POLE: variants seen among roughly 807,000 people sequenced by gnomAD.
The protein encoded by POLE is DNA polymerase epsilon catalytic subunit A.
In POLE, 188 loss-of-function variants were observed where a neutral mutation model predicts 279.2. That is an observed-to-expected ratio of 0.67 (90% confidence interval 0.60 to 0.76). POLE has a LOEUF of 0.76. Among genes scored for constraint, POLE ranks in the 30% least tolerant of loss-of-function variants. The pLI is 0.00. For synonymous variants in POLE, 1,214 were observed against 1,172.5 expected (o/e 1.04, Z -0.72); for missense variants, 2,703 against 3,016.7 (o/e 0.90, Z 2.44).
At position 132,639,613 on chromosome 12, in the gene POLE, G is replaced by T. The variant is rs1161839936; in HGVS notation, c.5379-315C>A. ...AGCAGCAAGTGTGTGACGGGCCGGGGACCCTGACAGGAAGGACACAGCAAA... is the reference window on the plus strand; with the variant it reads ...AGCAGCAAGTGTGTGACGGGCCGGGTACCCTGACAGGAAGGACACAGCAAA... On this transcript the variant is annotated intron_variant, in intron 39 of 48. Coordinates refer to ENST00000320574, the MANE Select transcript of POLE (RefSeq NM_006231.4). The surrounding 1 kb of genome is among the most constrained non-coding windows in gnomAD (Gnocchi z 4.7). 6.6e-5 allele frequency among the ~76,000 whole-genome samples: 10 copies of T among 152,182 alleles called. No homozygotes were observed. Among genetic ancestry groups the T allele is most frequent in the African/African-American group, 2.4e-4 (10 of 41,450 alleles).
chr12:132,646,301 A>G (rs990146786), intron 32 of POLE, among the ~76,000 whole-genome samples: 6 of 151,942 alleles, frequency 3.9e-5, no homozygotes, highest in African/African-American at 1.4e-4. Context: ...CTCCCGGGTG[A>G]TGGAAACGTT....
rs1036529083 is a variant in POLE, at chr12:132,679,666, G to C, written c.424-15C>G. On this transcript the variant is annotated splice_polypyrimidine_tract_variant and intron_variant, in intron 5 of 48. Transcript: ENST00000320574. Reference sequence around the variant, plus strand: ...AAGTGATTTGGCTATAATGCGAAGAGATCACGCTCATTGGTTCAAGAGAAA... The same window carrying C: ...AAGTGATTTGGCTATAATGCGAAGACATCACGCTCATTGGTTCAAGAGAAA... The C allele has an allele frequency of 4.4e-6, 7 of 1,601,028 alleles. No individual in the cohort carries two copies. Among genetic ancestry groups the C allele is most frequent in the Non-Finnish European group, 6.0e-6 (7 of 1,169,006 alleles).
In POLE at chr12:132,634,072, C is replaced by A; in HGVS notation, c.6004+114G>T. On this transcript the variant is annotated intron_variant, in intron 43 of 48. Transcript: ENST00000320574. This position sits in a 1 kb window ranked among gnomAD's most constrained non-coding sequence, Gnocchi z 4.0. ...AAAGTCCCAACTGCTGGGCAGGCTCCGCCCGATCTGATTTTCCCTGTCTCC... is the reference window on the plus strand; with the variant it reads ...AAAGTCCCAACTGCTGGGCAGGCTCAGCCCGATCTGATTTTCCCTGTCTCC... 2 of 994,792 alleles carry A rather than the reference C, an allele frequency of 2.0e-6. No individual in the cohort carries two copies. The highest frequency in any genetic ancestry group is 3.0e-6 in the Non-Finnish European group (2 of 661,938). 61.6% of individuals were successfully genotyped at this position (994,792 alleles called of 1,614,324 possible).
intron 20 of POLE, among the ~76,000 whole-genome samples, chr12:132,667,136 T>TA (rs1385105087): frequency 5.9e-5 from 9 of 152,284 alleles, no homozygotes; most frequent in African/African-American, 2.2e-4. Context: ...GAGAAGGCCT[T>TA]AGAGTTTCTA....
chr12:132,642,911 A>C lies in POLE; in HGVS notation c.4637T>G (p.Leu1546Arg), dbSNP rs1565938434. ...TTCGAAGGTGTGTTTGGGGGGTGGC[A>C]GGAGCTCAGGGCCCACCTTCTCCAG... ...LLLEKVGPELLPPPKHTFEVR... is the reference protein window; with the variant it reads ...LLLEKVGPELRPPPKHTFEVR... Residue 1546 changes from leucine (L) to arginine (R), a missense_variant, in exon 36 of 49, where the codon CTG becomes CGG. This residue lies in a region of POLE where 1,551 missense variants were observed against 1,686.1 expected (regional missense o/e 0.92). Transcript: ENST00000320574. The C allele has an allele frequency of 1.2e-6, 2 of 1,613,592 alleles. No homozygotes were observed. Among genetic ancestry groups the C allele is most frequent in the Non-Finnish European group, 1.7e-6 (2 of 1,179,830 alleles).
chr12:132,638,977 T>C (rs2042086901), intron 40 of POLE, 148 bp downstream of exon 40: 1 of 704,332 alleles, frequency 1.4e-6, no homozygotes, highest in Non-Finnish European at 2.4e-6. Flanking sequence ...CGTGTTTCTC[T>C]GGGATCCTTT....
Position 132,665,449 on chromosome 12 carries a change from A to T in POLE, c.2321T>A (p.Val774Glu), listed in dbSNP as rs771591846. 6.2e-7 allele frequency: 1 copy of T among 1,608,976 alleles called. No homozygotes were observed. Among genetic ancestry groups the T allele is most frequent in the Non-Finnish European group, 8.5e-7 (1 of 1,178,862 alleles). The change falls in exon 21 of 49, where the codon GTG becomes GAG. Residue 774 changes from valine to glutamate, a missense_variant and splice_region_variant. Val to Glu is a moderately radical substitution (Grantham distance 121, BLOSUM62 -2). Transcript: ENST00000320574. ...GGCCGCCGAGAGCTTCTTTTTCCAC[A>T]CCTGAGAAGCACATGAACATGGAGC... ...RRYEFKGLHK[V>E]WKKKLSAAVE...
chr12:132,646,419 G>A (rs2042285154), intron 32 of POLE, among the ~76,000 whole-genome samples: 1 of 151,842 alleles, frequency 6.6e-6, no homozygotes, highest in Non-Finnish European at 1.5e-5. Flanking sequence ...ATTACAGTAA[G>A]TCCTCACTTA....
rs2042562576 is a variant in POLE at position 132,657,196 on chromosome 12, C to A, written c.3522G>T (p.Lys1174Asn). 2 of 1,614,018 alleles carry A rather than the reference C, an allele frequency of 1.2e-6. No homozygotes were observed. Among genetic ancestry groups the A allele is most frequent in the Non-Finnish European group, 1.7e-6 (2 of 1,180,000 alleles). ...PDWLHKKLLE[K>N]NDVYKQKKIS... The stretch of plus-strand genomic sequence containing the variant: ...TCTTCTTCTGCTTGTAGACATCATT[C>A]TTCTCCAGCAGTTTTTTGTGCAGCC... Residue 1174 changes from lysine (K) to asparagine (N), a missense_variant, in exon 29 of 49, where the codon AAG becomes AAT. Lys to Asn is a moderately conservative substitution (Grantham distance 94). Coordinates refer to ENST00000320574, the MANE Select transcript of POLE (RefSeq NM_006231.4).
intron 43 of POLE, chr12:132,633,039 T>G: frequency 2.2e-6 from 1 of 463,768 alleles, no homozygotes; most frequent in Non-Finnish European, 3.8e-6. Context: ...AATGGGGCCA[T>G]GTACACTAAG....
At position 132,649,789 on chromosome 12, in the gene POLE, G is replaced by A. The variant is rs1244395672; in HGVS notation, c.3683C>T (p.Thr1228Ile). Residue 1228 changes from threonine to isoleucine, a missense_variant, in exon 30 of 49, where the codon ACT becomes ATT. By Grantham distance (89) the Thr-to-Ile change is moderately conservative (BLOSUM62 -1). Transcript: ENST00000320574. ...VKLPHPAAPV[T>I]VKRKRVLWES... is the part of the protein sequence containing the mutation. Reference sequence around the variant, plus strand: ...CCAAAGAACTCGCTTCCTCTTCACAGTGACAGGGGCTGCTGGGTGAGGCAG... The same window carrying A: ...CCAAAGAACTCGCTTCCTCTTCACAATGACAGGGGCTGCTGGGTGAGGCAG... The A allele has an allele frequency of 6.2e-7, 1 of 1,614,210 alleles. No individual in the cohort carries two copies. Among genetic ancestry groups the A allele is most frequent in the South Asian group, 1.1e-5 (1 of 91,088 alleles).
intron 32 of POLE, among the ~76,000 whole-genome samples, chr12:132,647,681 C>T (rs117751270): frequency 0.012 from 1,883 of 152,194 alleles, 17 homozygotes; most frequent in Middle Eastern, 0.051. Context: ...GAACCTCCCT[C>T]GAGATGAGCT....
At position 132,661,382 on chromosome 12, in the gene POLE, A is replaced by G; in HGVS notation, c.2864+145T>C. ...GCCAGAATACAGCAGGCGGGCAGAC[A>G]GAGCTGGTGCAAACGGAATCAGTAA... On this transcript the variant is annotated intron_variant, in intron 24 of 48. Transcript: ENST00000320574. The surrounding 1 kb of genome is among the most constrained non-coding windows in gnomAD (Gnocchi z 4.1). 1 of 1,026,476 alleles carries G rather than the reference A, an allele frequency of 9.7e-7. No homozygotes were observed. Among genetic ancestry groups the G allele is most frequent in the Non-Finnish European group, 1.4e-6 (1 of 698,138 alleles). The allele number at this position is 1,026,476 out of a possible 1,614,324, so 63.6% of individuals were successfully genotyped here. A position where few individuals can be genotyped will look rare whatever the true frequency, so the allele number is the denominator to read the frequency against.
intron 6 of POLE, among the ~76,000 whole-genome samples, chr12:132,678,792 A>T (rs960613711): frequency 3.3e-5 from 5 of 152,212 alleles, no homozygotes; most frequent in African/African-American, 1.2e-4. Context: ...CTATAAGCTC[A>T]AATACTGAAC....
At chr12:132,670,403 C>A (rs1228419405) in intron 16 of POLE, among the ~76,000 whole-genome samples, 1 of 151,374 alleles carries the variant, frequency 6.6e-6, no homozygotes. Flanking sequence ...CGCCACCACG[C>A]CTGGGTAATT....
chr12:132,645,384 G>A (rs922571874), intron 32 of POLE, among the ~76,000 whole-genome samples: 3 of 145,178 alleles, frequency 2.1e-5, no homozygotes, highest in South Asian at 2.3e-4. Flanking sequence ...CCCTAGCTTC[G>A]TGTGTGGGGG....
Position 132,661,430 on chromosome 12 carries a change from TTCTATCCTGGCTC to T in POLE, c.2864+84_2864+96del. ...TAAGATCACAAGAACCCAGGTCTGT[TTCTATCCTGGCTC>T]CTGATCCAACCTCCTTTCTGGGCTA... On this transcript the variant is annotated intron_variant, in intron 24 of 48. Coordinates refer to ENST00000320574, the MANE Select transcript of POLE (RefSeq NM_006231.4). This position sits in a 1 kb window ranked among gnomAD's most constrained non-coding sequence, Gnocchi z 4.1. 1 of 1,351,368 alleles carries T rather than the reference TTCTATCCTGGCTC, an allele frequency of 7.4e-7. No individual in the cohort carries two copies. The highest frequency in any genetic ancestry group is 1.5e-5 in the African/African-American group (1 of 68,954). The allele number at this position is 1,351,368 out of a possible 1,614,324, so 83.7% of individuals were successfully genotyped here.
At chr12:132,678,970 C>A (rs1228550240) in intron 6 of POLE, among the ~76,000 whole-genome samples, 5 of 152,180 alleles carry the variant, frequency 3.3e-5, no homozygotes, top group Non-Finnish European at 7.3e-5. Context: ...CCAAACTGAT[C>A]CTCTTTTGTC....
At chr12:132,649,644 A>G (rs764471240) in intron 30 of POLE, 33 bp downstream of exon 30, 1 of 1,611,286 alleles carries the variant, frequency 6.2e-7, no homozygotes, top group Non-Finnish European at 8.5e-7. Flanking sequence ...CAGACCCCTC[A>G]GAGACAGACA....
Sources: gnomAD v4.1 joint callset for allele counts (sites outside exome capture counted in the v4.1 genomes callset) on GRCh38, gnomAD v4.1.1 for gene constraint, gnomAD v4.1.1 regional missense constraint, Gnocchi (gnomAD v3.1) non-coding constraint, MANE v1.5 for transcripts, NCBI Gene and HGNC (gene_info 2026-07-23, HGNC 2026-07-21) for gene names.